INPP4B: variants seen among roughly 807,000 people sequenced by gnomAD.
INPP4B encodes the protein inositol polyphosphate 4-phosphatase type II.
Under a neutral mutation model 122.5 loss-of-function variants are expected in INPP4B, and 55 were observed. That is an observed-to-expected ratio of 0.45 (90% CI 0.36 to 0.56). The LOEUF (loss-of-function observed/expected upper bound fraction) is 0.56. INPP4B is among the 20% of genes least tolerant of loss of function. The pLI is 0.00. For synonymous variants in INPP4B, 403 were observed against 388.7 expected (o/e 1.04, Z -0.43); for missense variants, 1,000 against 1,097.7 (o/e 0.91, Z 1.26).
At chr4:142,119,000 C>G (rs1180196993) in intron 21 of INPP4B, among the ~76,000 whole-genome samples, 6 of 152,152 alleles carry the variant, frequency 3.9e-5, no homozygotes, top group African/African-American at 9.7e-5. Context: ...TGAACAGACA[C>G]TTCTCAAAAG....
intron 2 of INPP4B, among the ~76,000 whole-genome samples, chr4:142,483,407 T>A (rs1820821482): frequency 6.6e-6 from 1 of 152,014 alleles, no homozygotes; most frequent in African/African-American, 2.4e-5. Context: ...TTTGCCATGA[T>A]AGCTCCCCCG....
At chr4:142,051,717 A>T (rs1030679086) in intron 25 of INPP4B, among the ~76,000 whole-genome samples, 18 of 152,198 alleles carry the variant, frequency 1.2e-4, no homozygotes, top group Non-Finnish European at 1.5e-4. Flanking sequence ...CATTTACCTA[A>T]ATTGATATCC....
Position 142,478,490 on chromosome 4 carries a change from A to T in INPP4B, c.-190-15764T>A, listed in dbSNP as rs75867202. ...ATGCCTAGTTGGTTGAGAGTTATTA[A>T]TGTAAATGGATGCTGAATTTTATTG... On this transcript the variant is annotated intron_variant, in intron 2 of 25. Coordinates refer to ENST00000262992, the MANE Select transcript of INPP4B (RefSeq NM_001101669.3). Among the ~76,000 whole-genome samples the T allele has an allele frequency of 6.3e-3, 952 of 152,240 alleles. 14 individuals are homozygous for T. The highest frequency in any genetic ancestry group is 0.022 in the African/African-American group (899 of 41,546).
At chr4:142,095,393 G>A (rs986675211) in intron 23 of INPP4B, among the ~76,000 whole-genome samples, 1 of 152,178 alleles carries the variant, frequency 6.6e-6, no homozygotes, top group Non-Finnish European at 1.5e-5. Flanking sequence ...TTTGTTAATT[G>A]TCTTTAATTT....
At chr4:142,838,387 G>T (rs1386764041) in intron 1 of INPP4B, among the ~76,000 whole-genome samples, 1 of 151,104 alleles carries the variant, frequency 6.6e-6, no homozygotes, top group Non-Finnish European at 1.5e-5. Flanking sequence ...AGAAATCCTA[G>T]AAATTGAGTA....
chr4:142,605,933 T>C (rs1193580169), intron 2 of INPP4B, among the ~76,000 whole-genome samples: 1 of 152,028 alleles, frequency 6.6e-6, no homozygotes, highest in East Asian at 1.9e-4. Flanking sequence ...ATCAAAGAAC[T>C]GCCTGTACTT....
intron 12 of INPP4B, among the ~76,000 whole-genome samples, chr4:142,213,580 A>G (rs999345654): frequency 5.0e-4 from 76 of 152,202 alleles, no homozygotes; most frequent in African/African-American, 1.8e-3. Flanking sequence ...GCAGTATTTT[A>G]TGTCTGATAG....
intron 11 of INPP4B, among the ~76,000 whole-genome samples, chr4:142,252,209 G>C (rs1279789620): frequency 8.2e-6 from 1 of 122,426 alleles, no homozygotes; most frequent in Non-Finnish European, 1.6e-5. Context: ...TTTTTTTTGA[G>C]ACGGAGTCTC....
At chr4:142,245,171 G>A (rs952372600) in intron 11 of INPP4B, among the ~76,000 whole-genome samples, 1 of 152,022 alleles carries the variant, frequency 6.6e-6, no homozygotes, top group Non-Finnish European at 1.5e-5. Context: ...TCTTTAGGTT[G>A]CCTGTTCACT....
intron 5 of INPP4B, chr4:142,427,389 A>T (rs1401383199): frequency 2.1e-6 from 1 of 476,088 alleles, no homozygotes; most frequent in Admixed American, 3.8e-5. Flanking sequence ...AAATATATAT[A>T]AAAAAAGAAA....
Position 142,330,369 on chromosome 4 carries a change from T to C in INPP4B, c.373-15607A>G, listed in dbSNP as rs536651909. Among the ~76,000 whole-genome samples, 23 of 152,322 alleles carry C rather than the reference T, an allele frequency of 1.5e-4. No homozygotes were observed. The East Asian group carries it at 3.3e-3, about 22-fold the overall frequency. On this transcript the variant is annotated intron_variant, in intron 7 of 25. Coordinates refer to ENST00000262992, the MANE Select transcript of INPP4B (RefSeq NM_001101669.3). Reference sequence around the variant, plus strand: ...GATTAAAATATCTTGAAAATCCATCTCTGGGTTTTTTAAGTTAAAGTTGTG... The same window carrying C: ...GATTAAAATATCTTGAAAATCCATCCCTGGGTTTTTTAAGTTAAAGTTGTG...
intron 21 of INPP4B, among the ~76,000 whole-genome samples, chr4:142,116,439 G>A (rs1200593683): frequency 1.3e-5 from 2 of 152,102 alleles, no homozygotes; most frequent in Non-Finnish European, 2.9e-5. Flanking sequence ...AAATGTAAAA[G>A]AACAGAAATT....
Position 142,401,191 on chromosome 4 carries a change from C to T in INPP4B, c.372+1747G>A, listed in dbSNP as rs188026433. On this transcript the variant is annotated intron_variant, in intron 7 of 25. Coordinates refer to ENST00000262992, the MANE Select transcript of INPP4B (RefSeq NM_001101669.3). ...CCCACCTTCCACTTGAACTATATCT[C>T]CCTCCTCCCCAACTTTATGATTCTT... is the stretch of plus-strand genomic sequence containing the variant. 7.1e-4 allele frequency among the ~76,000 whole-genome samples: 108 copies of T among 152,216 alleles called. 2 individuals are homozygous for T. In the East Asian group the frequency reaches 0.013, roughly 19 times the overall value.
chr4:142,041,663 T>C (rs2152331956), intron 25 of INPP4B, among the ~76,000 whole-genome samples: 1 of 152,260 alleles, frequency 6.6e-6, no homozygotes, highest in South Asian at 2.1e-4. Context: ...TTTGTTTCTC[T>C]TCCTGTGCCA....
At chr4:142,761,567 G>A (rs1771348234) in intron 1 of INPP4B, among the ~76,000 whole-genome samples, 1 of 152,012 alleles carries the variant, frequency 6.6e-6, no homozygotes. Flanking sequence ...CACAGTGGAT[G>A]CCATTGTAAT....
intron 9 of INPP4B, among the ~76,000 whole-genome samples, chr4:142,295,532 T>A (rs73850838): frequency 0.021 from 3,207 of 152,306 alleles, 118 homozygotes; most frequent in African/African-American, 0.071. Context: ...TTCTTCTAAA[T>A]CAGCATTTTC....
rs544578874 is a variant in INPP4B at position 142,380,752 on chromosome 4, AAT to A, written c.372+22184_372+22185del. On this transcript the variant is annotated intron_variant, in intron 7 of 25. Coordinates refer to ENST00000262992, the MANE Select transcript of INPP4B (RefSeq NM_001101669.3). ...CTCCCATATTTTTCTGCATACTCAT[AAT>A]AGTCACATATAATATATATCATGTA... Among the ~76,000 whole-genome samples the A allele has an allele frequency of 1.7e-3, 252 of 152,112 alleles. 1 individual carries two copies. The highest frequency in any genetic ancestry group is 5.6e-3 in the African/African-American group (233 of 41,506).
chr4:142,819,044 C>T (rs1337265103), intron 1 of INPP4B, among the ~76,000 whole-genome samples: 1 of 152,136 alleles, frequency 6.6e-6, no homozygotes, highest in Non-Finnish European at 1.5e-5. Flanking sequence ...TGAAGGACTC[C>T]AGTCATGCGT....
Position 142,268,280 on chromosome 4 carries a change from G to A in INPP4B, c.615+2383C>T, listed in dbSNP as rs1302644099. Among the ~76,000 whole-genome samples the A allele has an allele frequency of 1.1e-4, 13 of 120,100 alleles. No homozygotes were observed. The South Asian group carries it at 2.1e-3, about 19-fold the overall frequency. 78.8% of individuals were successfully genotyped at this position (120,100 alleles called of 152,430 possible). ...AGAGCTTGAAGTGAGCCAAGATCGC[G>A]CCACTGCACTCTGGCCTGGGTGACA... On this transcript the variant is annotated intron_variant, in intron 10 of 25. Coordinates refer to ENST00000262992, the MANE Select transcript of INPP4B (RefSeq NM_001101669.3).
Sources: allele counts gnomAD v4.1 joint callset (sites outside exome capture counted in the v4.1 genomes callset), GRCh38; gene constraint gnomAD v4.1.1; transcripts MANE v1.5; gene names NCBI Gene and HGNC (gene_info 2026-07-23, HGNC 2026-07-21).